ADAP1: variants seen among roughly 807,000 people sequenced by gnomAD.
ADAP1 encodes arf-GAP with dual PH domain-containing protein 1.
Under a neutral mutation model 54.9 loss-of-function variants are expected in ADAP1, and 31 were observed. The observed-to-expected ratio is 0.56, with a 90% confidence interval of 0.42 to 0.76. ADAP1 has a LOEUF of 0.76. Among genes scored for constraint, ADAP1 ranks in the 30% least tolerant of loss-of-function variants. ADAP1 has a pLI of 0.00. For missense variants in ADAP1, 535 were observed against 512.4 expected (o/e 1.04, Z -0.42); for synonymous variants, 313 against 202.6 (o/e 1.55, Z -4.63).
rs200444305 is a variant in ADAP1, at chr7:899,142, C to G, written c.987G>C (p.Thr329=). 2.5e-6 allele frequency: 4 copies of G among 1,610,418 alleles called. No individual in the cohort carries two copies. Among genetic ancestry groups the G allele is most frequent in the African/African-American group, 2.7e-5 (2 of 74,934 alleles). Residue 329 remains threonine, a synonymous_variant, in exon 10 of 11, where the codon ACG becomes ACC. Transcript: ENST00000265846. ...AGGCAAACAGAAACTTGCGGTCGGGCGTGACGATGGTGATGCCATGTGGCC... is the reference window on the plus strand; with the variant it reads ...AGGCAAACAGAAACTTGCGGTCGGGGGTGACGATGGTGATGCCATGTGGCC... ...HHWPHGITIV[T]PDRKFLFACE...
chr7:900,845 C>T, intron 6 of ADAP1: 4 of 643,118 alleles, frequency 6.2e-6, no homozygotes, highest in Non-Finnish European at 1.2e-5. Context: ...CAGGTGCAGC[C>T]TCCCCCGGCG....
intron 2 of ADAP1, 31 bp downstream of exon 2, chr7:935,344 C>T (rs1210581521): frequency 1.3e-6 from 2 of 1,546,826 alleles, no homozygotes; most frequent in Admixed American, 2.0e-5. Context: ...CCGGGGACTG[C>T]GCGGGTCCCC....
intron 6 of ADAP1, among the ~76,000 whole-genome samples, chr7:903,681 G>C (rs960144992): frequency 6.6e-6 from 1 of 151,858 alleles, no homozygotes; most frequent in African/African-American, 2.4e-5. Flanking sequence ...GCCACACCAA[G>C]GGCAGCCAAA....
Position 945,824 on chromosome 7 carries a change from C to G in ADAP1, c.82+8572G>C. ...CATTTCCGGAGCTGGTCTGGGGCACCTGGGCAGGTGAGCCACATTCTTGGG... is the reference window on the plus strand; with the variant it reads ...CATTTCCGGAGCTGGTCTGGGGCACGTGGGCAGGTGAGCCACATTCTTGGG... On this transcript the variant is annotated intron_variant, in intron 1 of 10. Transcript: ENST00000265846. The surrounding 1 kb of genome is among the most constrained non-coding windows in gnomAD (Gnocchi z 4.2). The G allele has an allele frequency of 1.0e-6, 1 of 985,590 alleles. No individual in the cohort carries two copies. Among genetic ancestry groups the G allele is most frequent in the Non-Finnish European group, 1.2e-6 (1 of 830,012 alleles). 61.1% of individuals were successfully genotyped at this position (985,590 alleles called of 1,614,324 possible). A position where few individuals can be genotyped will look rare whatever the true frequency, so the allele number is the denominator to read the frequency against.
rs2128112003 is a variant in ADAP1, at chr7:946,351, C to A, written c.82+8045G>T. Among the ~76,000 whole-genome samples the A allele has an allele frequency of 6.6e-6, 1 of 152,158 alleles. No individual in the cohort carries two copies. The highest frequency in any genetic ancestry group is 2.4e-5 in the African/African-American group (1 of 41,424). On this transcript the variant is annotated intron_variant, in intron 1 of 10. Transcript: ENST00000265846. This position sits in a 1 kb window ranked among gnomAD's most constrained non-coding sequence, Gnocchi z 4.3. ...TCTCTGCCCAGGCCCCAGGCCCCCACCCCCTCACGCTCACGGGCGGCCCTG... is the reference window on the plus strand; with the variant it reads ...TCTCTGCCCAGGCCCCAGGCCCCCAACCCCTCACGCTCACGGGCGGCCCTG...
At chr7:904,590 C>G (rs551466208) in intron 5 of ADAP1, among the ~76,000 whole-genome samples, 225 of 152,306 alleles carry the variant, frequency 1.5e-3, no homozygotes, top group African/African-American at 5.4e-3. Context: ...AGCCACCAGC[C>G]CACCTCCAGC....
chr7:922,441 C>G (rs1210683983), intron 3 of ADAP1, among the ~76,000 whole-genome samples: 1 of 152,168 alleles, frequency 6.6e-6, no homozygotes, highest in African/African-American at 2.4e-5. Context: ...GGGGAAGACG[C>G]TCTGAGCCCC....
intron 6 of ADAP1, 48 bp from the exon 7 acceptor site, chr7:900,664 T>TGGGGTCCCCACAGAGGGGCG: frequency 7.2e-7 from 1 of 1,379,482 alleles, no homozygotes; most frequent in Non-Finnish European, 1.0e-6. Context: ...GCTGCAGCGC[T>TGGGGTCCCCACAGAGGGGCG]GGGGTCCCCA....
intron 4 of ADAP1, among the ~76,000 whole-genome samples, chr7:915,319 C>T (rs1003402463): frequency 3.3e-5 from 5 of 152,196 alleles, no homozygotes; most frequent in Non-Finnish European, 7.3e-5. Context: ...GCACACTGTG[C>T]ACCTCCCCAC....
At position 902,657 on chromosome 7, in the gene ADAP1, G is replaced by C. The variant is rs146529922; in HGVS notation, c.648+1469C>G. Among the ~76,000 whole-genome samples the C allele has an allele frequency of 5.4e-4, 82 of 151,730 alleles. 1 individual carries two copies. In the East Asian group the frequency reaches 0.012, roughly 21 times the overall value. ...CAATAACAGGAGTTTCAGAAAATGA[G>C]AACAGGGAAAGTGGAGGGAGGAAAT... On this transcript the variant is annotated intron_variant, in intron 6 of 10. Transcript: ENST00000265846.
rs1358362103 is a variant in ADAP1 at position 920,273 on chromosome 7, GC to G, written c.306-224del. Among the ~76,000 whole-genome samples, 1 of 152,008 alleles carries G rather than the reference GC, an allele frequency of 6.6e-6. No homozygotes were observed. Among genetic ancestry groups the G allele is most frequent in the Non-Finnish European group, 1.5e-5 (1 of 67,978 alleles). On this transcript the variant is annotated intron_variant, in intron 3 of 10. Transcript: ENST00000265846. The surrounding 1 kb of genome is among the most constrained non-coding windows in gnomAD (Gnocchi z 4.5). ...AGTTTATTGGTTTCTTGTGCGTTCG[GC>G]CCCCGGAGCATCAGGCCTCACGTTC...
At chr7:949,261 T>C (rs1375859163) in intron 1 of ADAP1, among the ~76,000 whole-genome samples, 2 of 152,194 alleles carry the variant, frequency 1.3e-5, no homozygotes, top group Non-Finnish European at 2.9e-5. Context: ...CCCGGGCACA[T>C]GAGCACATAC....
chr7:948,425 C>T (rs111767247), intron 1 of ADAP1, among the ~76,000 whole-genome samples: 13,322 of 152,202 alleles, frequency 0.088, 889 homozygotes, highest in African/African-American at 0.18. Context: ...TGGCCTCGTC[C>T]TCCATGAGGA....
At chr7:954,263 C>T in intron 1 of ADAP1, 133 bp downstream of exon 1, 1 of 858,982 alleles carries the variant, frequency 1.2e-6, no homozygotes, top group Non-Finnish European at 1.4e-6. Context: ...CGATCCGGCC[C>T]GGTGTTCAGC....
intron 4 of ADAP1, among the ~76,000 whole-genome samples, chr7:911,194 G>A (rs1483644900): frequency 6.6e-6 from 1 of 152,290 alleles, no homozygotes; most frequent in Non-Finnish European, 1.5e-5. Flanking sequence ...CCTGTTCCCA[G>A]GGGTGAGGCC....
At position 935,434 on chromosome 7, in the gene ADAP1, G is replaced by T; in HGVS notation, c.154C>A (p.Pro52Thr). Residue 52 changes from proline (P) to threonine (T), a missense_variant, in exon 2 of 11, where the codon CCC (proline) becomes ACC (threonine). Physicochemically the swap from Pro to Thr is conservative, Grantham distance 38 (BLOSUM62 -1). Transcript: ENST00000265846. ...ACGGACTTCACCTTGCTGACCTGGG[G>T]GATATTCCGGTGGATTCCCGAGCAG... ...LSCSGIHRNI[P>T]QVSKVKSVRL... is the part of the protein sequence containing the mutation. 6.4e-7 allele frequency: 1 copy of T among 1,560,628 alleles called. No individual in the cohort carries two copies. The highest frequency in any genetic ancestry group is 1.4e-5 in the African/African-American group (1 of 73,532).
intron 1 of ADAP1, among the ~76,000 whole-genome samples, chr7:939,314 G>T (rs915191212): frequency 6.6e-6 from 1 of 152,002 alleles, no homozygotes; most frequent in African/African-American, 2.4e-5. Flanking sequence ...CTGCCTCCCA[G>T]GTTCAAGTGA....
In ADAP1 at chr7:913,506, CTT is replaced by C. The variant is rs570641279; in HGVS notation, c.388+6460_388+6461del. Among the ~76,000 whole-genome samples, 6 of 152,260 alleles carry C rather than the reference CTT, an allele frequency of 3.9e-5. No homozygotes were observed. The East Asian group carries it at 1.2e-3, about 29-fold the overall frequency. ...GTGAGGCACCGCGCCCGGTCCTCCC[CTT>C]TCTCTTTACTTGTTCCATTCTTTAT... On this transcript the variant is annotated intron_variant, in intron 4 of 10. Coordinates refer to ENST00000265846, the MANE Select transcript of ADAP1 (RefSeq NM_006869.4).
chr7:914,890 G>T (rs1316651286), intron 4 of ADAP1, among the ~76,000 whole-genome samples: 2 of 152,010 alleles, frequency 1.3e-5, no homozygotes, highest in African/African-American at 4.8e-5. Flanking sequence ...GGGCAGGGTA[G>T]AGGGGAGGCT....
Sources: gnomAD v4.1 joint callset for allele counts (sites outside exome capture counted in the v4.1 genomes callset) on GRCh38, gnomAD v4.1.1 for gene constraint, Gnocchi (gnomAD v3.1) non-coding constraint, MANE v1.5 for transcripts, NCBI Gene and HGNC (gene_info 2026-07-23, HGNC 2026-07-21) for gene names.